The following MYO1E variants were observed in gnomAD, a reference collection of about 807,000 sequenced individuals.
MYO1E encodes the protein myosin IE.
MYO1E carries 68 observed loss-of-function variants against 151.1 expected under a neutral mutation model. That is an observed-to-expected ratio of 0.45 (90% CI 0.37 to 0.55). MYO1E has a LOEUF of 0.55. MYO1E is among the 20% of genes least tolerant of loss of function. The pLI, the probability that MYO1E is intolerant of heterozygous loss-of-function variation, is 0.00. For synonymous variants in MYO1E, 601 were observed against 501.7 expected, an observed-to-expected ratio of 1.20 and a Z score of -2.64; for missense variants, 1,363 against 1,389.3, an observed-to-expected ratio of 0.98 and a Z score of 0.30.
intron 1 of MYO1E, among the ~76,000 whole-genome samples, chr15:59,371,802 G>T (rs1401604542): frequency 6.6e-6 from 1 of 151,868 alleles, no homozygotes; most frequent in African/African-American, 2.4e-5. Context: ...GACCCTCGGG[G>T]CCGGCGCCCG....
At chr15:59,178,865 A>C (rs998088137) in intron 18 of MYO1E, among the ~76,000 whole-genome samples, 1 of 152,184 alleles carries the variant, frequency 6.6e-6, no homozygotes, top group Non-Finnish European at 1.5e-5. Flanking sequence ...TTAGGCAAAA[A>C]TCAAACGGTC....
At chr15:59,205,022 A>G (rs1166667626) in intron 15 of MYO1E, among the ~76,000 whole-genome samples, 1 of 152,242 alleles carries the variant, frequency 6.6e-6, no homozygotes, top group East Asian at 1.9e-4. Context: ...TAGGGACATA[A>G]AAGGGAGAGA....
chr15:59,310,295 G>T (rs893746456), intron 1 of MYO1E, among the ~76,000 whole-genome samples: 3 of 152,180 alleles, frequency 2.0e-5, no homozygotes, highest in African/African-American at 7.2e-5. Flanking sequence ...GTTGCACTGT[G>T]TTGCCTCCAA....
rs571014891 is a variant in MYO1E, at chr15:59,350,880, T to G, written c.3+21618A>C. On this transcript the variant is annotated intron_variant, in intron 1 of 27. Coordinates refer to ENST00000288235, the MANE Select transcript of MYO1E (RefSeq NM_004998.4). This position sits in a 1 kb window ranked among gnomAD's most constrained non-coding sequence, Gnocchi z 5.0. Reference sequence around the variant, plus strand: ...CTTTATTTGTTGTTGTTGTTGTTTGTTTGGTTGGTTGGTTTTTTGTTTTTT... The same window carrying G: ...CTTTATTTGTTGTTGTTGTTGTTTGGTTGGTTGGTTGGTTTTTTGTTTTTT... 2.3e-3 allele frequency among the ~76,000 whole-genome samples: 355 copies of G among 152,006 alleles called. 2 individuals are homozygous for G. The highest frequency in any genetic ancestry group is 8.3e-4 in the South Asian group (4 of 4,808).
intron 24 of MYO1E, among the ~76,000 whole-genome samples, chr15:59,160,390 T>A (rs2079531628): frequency 6.7e-6 from 1 of 148,542 alleles, no homozygotes; most frequent in Non-Finnish European, 1.5e-5. Flanking sequence ...TATGGTGTTT[T>A]ATTTCTTTTT....
intron 16 of MYO1E, among the ~76,000 whole-genome samples, chr15:59,196,798 C>T (rs1389091887): frequency 6.6e-6 from 1 of 151,994 alleles, no homozygotes; most frequent in Non-Finnish European, 1.5e-5. Context: ...AAGTAAATTG[C>T]CTCTTATGTT....
At chr15:59,345,598 AC>A (rs1386418042) in intron 1 of MYO1E, among the ~76,000 whole-genome samples, 2 of 152,264 alleles carry the variant, frequency 1.3e-5, no homozygotes, top group African/African-American at 4.8e-5. Context: ...AAAAAATAGA[AC>A]TGCCTAACTA....
chr15:59,140,297 G>T (rs1431481527), intron 26 of MYO1E, among the ~76,000 whole-genome samples: 2 of 152,194 alleles, frequency 1.3e-5, no homozygotes, highest in African/African-American at 4.8e-5. Context: ...TTTCAAAGGT[G>T]TGTAAGTTCA....
In MYO1E at chr15:59,158,272, A is replaced by G. The variant is rs1457446627; in HGVS notation, c.2878+15T>C. On this transcript the variant is annotated intron_variant, in intron 25 of 27. Transcript: ENST00000288235. ...AGATTTAGTGGTCCCAGACTACGGTACGTAGCTGGCTTACCTGGGGGAGGA... is the reference window on the plus strand; with the variant it reads ...AGATTTAGTGGTCCCAGACTACGGTGCGTAGCTGGCTTACCTGGGGGAGGA... 2 of 1,541,596 alleles carry G rather than the reference A, an allele frequency of 1.3e-6. No individual in the cohort carries two copies. The highest frequency in any genetic ancestry group is 2.1e-4 in the Middle Eastern group (1 of 4,702).
intron 16 of MYO1E, among the ~76,000 whole-genome samples, chr15:59,201,359 G>A (rs2079800528): frequency 6.7e-6 from 1 of 149,602 alleles, no homozygotes; most frequent in African/African-American, 2.5e-5. Flanking sequence ...CTCCAAAAGT[G>A]TTGGGATTAC....
At chr15:59,322,525 A>G (rs1310762380) in intron 1 of MYO1E, among the ~76,000 whole-genome samples, 2 of 152,342 alleles carry the variant, frequency 1.3e-5, no homozygotes, top group East Asian at 3.9e-4. Flanking sequence ...TCCAGATCAT[A>G]TGAGTGTTTA....
At chr15:59,233,121 T>G (rs1034699867) in intron 5 of MYO1E, among the ~76,000 whole-genome samples, 2 of 152,038 alleles carry the variant, frequency 1.3e-5, no homozygotes, top group African/African-American at 2.4e-5. Context: ...CTATCTTTTT[T>G]TTTGCTGGCC....
Position 59,227,554 on chromosome 15 carries a change from C to G in MYO1E, c.547G>C (p.Glu183Gln), listed in dbSNP as rs765938827. ...YFEIQFSPGG[E>Q]PDGGKISNFL... ...TTGGAGATCTTTCCACCATCTGGTT[C>G]CCCACCTGGACTGAACTGGATTTCA... is the stretch of plus-strand genomic sequence containing the variant. The change falls in exon 7 of 28, where the codon GAA becomes CAA. Residue 183 changes from glutamate (E) to glutamine (Q), a missense_variant. Coordinates refer to ENST00000288235, the MANE Select transcript of MYO1E (RefSeq NM_004998.4). 1.9e-6 allele frequency: 3 copies of G among 1,614,196 alleles called. No individual in the cohort carries two copies. Among genetic ancestry groups the G allele is most frequent in the Non-Finnish European group, 1.7e-6 (2 of 1,180,014 alleles).
intron 1 of MYO1E, among the ~76,000 whole-genome samples, chr15:59,302,984 AGTT>A (rs1378839304): frequency 6.6e-6 from 1 of 152,196 alleles, no homozygotes; most frequent in Non-Finnish European, 1.5e-5. Context: ...GGAAACTTTC[AGTT>A]GTTGTCTGGT....
Position 59,133,828 on chromosome 15 carries a change from A to G in MYO1E, c.*3552T>C, listed in dbSNP as rs1349408576. ...CTATAAAAGAAATGGTAGCAACTAG[A>G]GGCACAGGCTGACTTGGTGTGACCA... On this transcript the variant is annotated 3_prime_UTR_variant, in exon 28 of 28. Coordinates refer to ENST00000288235, the MANE Select transcript of MYO1E (RefSeq NM_004998.4). 2 of 152,246 alleles carry G rather than the reference A, an allele frequency of 1.3e-5. No homozygotes were observed. Among genetic ancestry groups the G allele is most frequent in the African/African-American group, 4.8e-5 (2 of 41,458 alleles). 9.4% of individuals were successfully genotyped at this position (152,246 alleles called of 1,614,324 possible).
intron 7 of MYO1E, 22 bp from the exon 8 acceptor site, chr15:59,224,845 T>G: frequency 1.2e-6 from 2 of 1,614,130 alleles, no homozygotes; most frequent in South Asian, 1.1e-5. Context: ...GAACACAGGT[T>G]GAGCCATGAT....
intron 1 of MYO1E, among the ~76,000 whole-genome samples, chr15:59,370,515 CAG>C: frequency 6.6e-6 from 1 of 152,316 alleles, no homozygotes; most frequent in East Asian, 1.9e-4. Context: ...ATCTGATGCA[CAG>C]ATAGTCGCCT....
intron 26 of MYO1E, among the ~76,000 whole-genome samples, chr15:59,148,078 T>C (rs2079452747): frequency 6.6e-6 from 1 of 152,230 alleles, no homozygotes; most frequent in Non-Finnish European, 1.5e-5. Context: ...AGCATTGTGC[T>C]TTATAGCACA....
At chr15:59,217,518 C>CTTTTT (rs1334637019) in intron 10 of MYO1E, among the ~76,000 whole-genome samples, 3 of 10,696 alleles carry the variant, frequency 2.8e-4, no homozygotes, top group Non-Finnish European at 6.2e-4. Flanking sequence ...AGTCGTTTTA[C>CTTTTT]CTTTTTTTTT....
Sources: allele counts gnomAD v4.1 joint callset (sites outside exome capture counted in the v4.1 genomes callset), GRCh38; gene constraint gnomAD v4.1.1; non-coding constraint Gnocchi (gnomAD v3.1); transcripts MANE v1.5; gene names NCBI Gene and HGNC (gene_info 2026-07-23, HGNC 2026-07-21).